The following NRXN1 variants were observed in gnomAD, a reference collection of about 807,000 sequenced individuals.
The protein encoded by NRXN1 is neurexin-1.
In NRXN1, 39 loss-of-function variants were observed where a neutral mutation model predicts 150.9. The observed-to-expected ratio is 0.26, with a 90% CI of 0.20 to 0.34. The LOEUF (loss-of-function observed/expected upper bound fraction) is 0.34, where lower values mean the gene tolerates loss of function less well. NRXN1 is among the 10% of genes least tolerant of loss of function. NRXN1 has a pLI of 1.00. For missense variants in NRXN1, 1,815 were observed against 1,949.9 expected, an observed-to-expected ratio of 0.93 and a Z score of 1.30; for synonymous variants, 924 against 757.0, an observed-to-expected ratio of 1.22 and a Z score of -3.62.
intron 2 of NRXN1, among the ~76,000 whole-genome samples, chr2:50,985,708 A>C (rs1409418033): frequency 6.6e-6 from 1 of 151,868 alleles, no homozygotes; most frequent in Admixed American, 6.6e-5. Context: ...ATACAGGAGA[A>C]TTGAGATATG....
chr2:50,071,864 T>A (rs1696342066), intron 19 of NRXN1, among the ~76,000 whole-genome samples: 1 of 152,210 alleles, frequency 6.6e-6, no homozygotes, highest in Non-Finnish European at 1.5e-5. Flanking sequence ...TGTGTTAATG[T>A]CAAAATCATG....
chr2:50,506,444 G>C (rs1388431612), intron 13 of NRXN1, 51 bp downstream of exon 13: 5 of 1,547,582 alleles, frequency 3.2e-6, no homozygotes, highest in Non-Finnish European at 3.5e-6. Flanking sequence ...TGCAAGAAAT[G>C]AGAGTCAAAA....
chr2:50,606,906 G>A (rs1485928391), intron 8 of NRXN1, among the ~76,000 whole-genome samples: 1 of 152,104 alleles, frequency 6.6e-6, no homozygotes. Context: ...TGCTTCGCGT[G>A]TTATGTGTAT....
chr2:50,368,311 T>G (rs1038861553), intron 17 of NRXN1, among the ~76,000 whole-genome samples: 4 of 151,574 alleles, frequency 2.6e-5, no homozygotes, highest in African/African-American at 9.7e-5. Flanking sequence ...CAAGAAACAT[T>G]AACAAGCATA....
chr2:50,600,591 C>T (rs1676098967), intron 8 of NRXN1, among the ~76,000 whole-genome samples: 1 of 152,266 alleles, frequency 6.6e-6, no homozygotes, highest in African/African-American at 2.4e-5. Flanking sequence ...TCCCAAAGTG[C>T]TGGGATTACA....
At chr2:50,579,511 T>C (rs1475628009) in intron 8 of NRXN1, among the ~76,000 whole-genome samples, 1 of 152,156 alleles carries the variant, frequency 6.6e-6, no homozygotes, top group Non-Finnish European at 1.5e-5. Context: ...TAGTCAGGTG[T>C]GGTGGCATGT....
intron 5 of NRXN1, among the ~76,000 whole-genome samples, chr2:50,826,674 C>T (rs981238418): frequency 1.2e-4 from 18 of 152,202 alleles, no homozygotes; most frequent in African/African-American, 4.1e-4. Flanking sequence ...AACAACAAGG[C>T]ATATACTAAT....
intron 5 of NRXN1, among the ~76,000 whole-genome samples, chr2:50,920,581 T>C (rs1685873634): frequency 6.6e-6 from 1 of 151,786 alleles, no homozygotes; most frequent in Non-Finnish European, 1.5e-5. Context: ...CTTCCCTCTA[T>C]GCCATCCCTA....
intron 21 of NRXN1, among the ~76,000 whole-genome samples, chr2:49,996,682 G>A (rs1683059143): frequency 6.6e-6 from 1 of 152,168 alleles, no homozygotes; most frequent in Non-Finnish European, 1.5e-5. Flanking sequence ...GCCATAAACT[G>A]AGGAATGCAG....
intron 17 of NRXN1, among the ~76,000 whole-genome samples, chr2:50,390,354 T>G (rs1215148391): frequency 6.6e-6 from 1 of 152,176 alleles, no homozygotes; most frequent in Non-Finnish European, 1.5e-5. Flanking sequence ...ATTCTTCTTT[T>G]AACTTATAAA....
chr2:50,624,373 A>T (rs1371486824), intron 5 of NRXN1, among the ~76,000 whole-genome samples: 1 of 152,122 alleles, frequency 6.6e-6, no homozygotes, highest in Non-Finnish European at 1.5e-5. Context: ...CCATAAATGC[A>T]TATTGGATGG....
At chr2:49,926,275 T>G (rs1437412502) in intron 22 of NRXN1, 1 of 398,240 alleles carries the variant, frequency 2.5e-6, no homozygotes. Flanking sequence ...CTTGCACTTA[T>G]AAAGCATGTT....
At chr2:50,579,305 A>T (rs1671897814) in intron 8 of NRXN1, among the ~76,000 whole-genome samples, 1 of 152,196 alleles carries the variant, frequency 6.6e-6, no homozygotes, top group Non-Finnish European at 1.5e-5. Flanking sequence ...GATGTGACTA[A>T]ATAGGAAAGC....
At chr2:50,908,619 C>CA (rs1684074192) in intron 5 of NRXN1, among the ~76,000 whole-genome samples, 1 of 151,212 alleles carries the variant, frequency 6.6e-6, no homozygotes, top group Admixed American at 6.6e-5. Flanking sequence ...TTGAAAGAAC[C>CA]AAAAAATAAA....
At position 50,379,912 on chromosome 2, in the gene NRXN1, A is replaced by C. The variant is rs573269709; in HGVS notation, c.3364+85530T>G. On this transcript the variant is annotated intron_variant, in intron 17 of 22. Coordinates refer to ENST00000401669, the MANE Select transcript of NRXN1 (RefSeq NM_001330078.2). ...TTTATAGCCTAACCCTTTGAGAAATAAGATTATGTTCCCAGTAAATAGTAG... is the reference window on the plus strand; with the variant it reads ...TTTATAGCCTAACCCTTTGAGAAATCAGATTATGTTCCCAGTAAATAGTAG... 3.0e-3 allele frequency among the ~76,000 whole-genome samples: 463 copies of C among 152,276 alleles called. 3 individuals carry two copies. The highest frequency in any genetic ancestry group is 5.5e-3 in the Non-Finnish European group (374 of 67,996).
At chr2:50,648,504 A>G (rs998757977) in intron 5 of NRXN1, among the ~76,000 whole-genome samples, 5 of 152,012 alleles carry the variant, frequency 3.3e-5, no homozygotes, top group Admixed American at 6.6e-5. Flanking sequence ...TGTCTTCTGC[A>G]TGACCCTGTA....
chr2:50,415,120 A>G (rs2083446081), intron 17 of NRXN1, among the ~76,000 whole-genome samples: 1 of 152,160 alleles, frequency 6.6e-6, no homozygotes, highest in Non-Finnish European at 1.5e-5. Flanking sequence ...GACTTCATAG[A>G]AGCAGGGAGT....
intron 21 of NRXN1, among the ~76,000 whole-genome samples, chr2:49,971,010 G>C (rs923879771): frequency 2.6e-5 from 4 of 152,078 alleles, no homozygotes; most frequent in African/African-American, 9.7e-5. Context: ...CATAATACTA[G>C]AATTAACAGC....
At chr2:50,162,251 A>G (rs1280380450) in intron 18 of NRXN1, among the ~76,000 whole-genome samples, 4 of 152,180 alleles carry the variant, frequency 2.6e-5, no homozygotes, top group Non-Finnish European at 5.9e-5. Flanking sequence ...AGGAAAAAAC[A>G]TCATTACTGG....
Sources: allele counts gnomAD v4.1 joint callset (sites outside exome capture counted in the v4.1 genomes callset), GRCh38; gene constraint gnomAD v4.1.1; transcripts MANE v1.5; gene names NCBI Gene and HGNC (gene_info 2026-07-23, HGNC 2026-07-21).